Variants in SGTB observed in about 807,000 individuals in gnomAD.
SGTB encodes small glutamine rich tetratricopeptide repeat co-chaperone beta.
In SGTB, 19 loss-of-function variants were observed where a neutral mutation model predicts 43.9. The observed-to-expected ratio is 0.43, with a 90% CI of 0.30 to 0.63. The LOEUF (loss-of-function observed/expected upper bound fraction) is 0.63. SGTB is among the 30% of genes least tolerant of loss of function. The pLI, the probability that SGTB is intolerant of heterozygous loss-of-function variation, is 0.12. For synonymous variants in SGTB, 116 were observed against 117.3 expected, an observed-to-expected ratio of 0.99 and a Z score of 0.07; for missense variants, 304 against 358.9, an observed-to-expected ratio of 0.85 and a Z score of 1.24.
At chr5:65,671,196 G>A (rs961965639) in intron 10 of SGTB, among the ~76,000 whole-genome samples, 1 of 152,134 alleles carries the variant, frequency 6.6e-6, no homozygotes, top group African/African-American at 2.4e-5. Flanking sequence ...TTTGAAGTCT[G>A]CTGAAAAACT....
At chr5:65,680,592 T>C in intron 7 of SGTB, 36 bp from the exon 8 acceptor site, 1 of 1,613,940 alleles carries the variant, frequency 6.2e-7, no homozygotes, top group Non-Finnish European at 8.5e-7. Context: ...CAGTCCAGTA[T>C]CTACAATTAC....
At chr5:65,703,132 T>C (rs1208539946) in intron 5 of SGTB, among the ~76,000 whole-genome samples, 1 of 152,204 alleles carries the variant, frequency 6.6e-6, no homozygotes, top group Non-Finnish European at 1.5e-5. Flanking sequence ...AGATGTTCAT[T>C]GCAGCTTTAT....
At chr5:65,701,620 TTTAAA>T (rs1579875240) in intron 5 of SGTB, among the ~76,000 whole-genome samples, 3 of 148,850 alleles carry the variant, frequency 2.0e-5, no homozygotes, top group South Asian at 2.1e-4. Flanking sequence ...TATGTGGCTA[TTTAAA>T]TTAAATTTTT....
intron 4 of SGTB, 145 bp from the exon 5 acceptor site, chr5:65,704,523 T>G (rs1757892849): frequency 4.1e-6 from 2 of 493,266 alleles, no homozygotes; most frequent in Non-Finnish European, 6.9e-6. Flanking sequence ...AATTTTACAT[T>G]GTACTATAGA....
intron 4 of SGTB, among the ~76,000 whole-genome samples, chr5:65,707,305 T>C (rs1757951442): frequency 6.6e-6 from 1 of 151,808 alleles, no homozygotes; most frequent in South Asian, 2.1e-4. Context: ...TATAGGTATA[T>C]ATTTACAGAC....
intron 3 of SGTB, among the ~76,000 whole-genome samples, chr5:65,710,324 T>C (rs1368325643): frequency 2.6e-5 from 4 of 152,294 alleles, no homozygotes; most frequent in Non-Finnish European, 4.4e-5. Flanking sequence ...TATTAAAAAA[T>C]AGATTATAAT....
chr5:65,708,970 G>A (rs1000160309), intron 3 of SGTB, among the ~76,000 whole-genome samples: 2 of 152,008 alleles, frequency 1.3e-5, no homozygotes, highest in African/African-American at 4.8e-5. Context: ...GAGCCCAGGA[G>A]GCAGAGGTTG....
intron 3 of SGTB, among the ~76,000 whole-genome samples, chr5:65,711,355 G>C (rs1468782082): frequency 6.7e-6 from 1 of 149,234 alleles, no homozygotes; most frequent in Non-Finnish European, 1.5e-5. Flanking sequence ...AGTTTCCTGA[G>C]AAGGAAAAAA....
chr5:65,706,017 A>G (rs1195830364), intron 4 of SGTB, among the ~76,000 whole-genome samples: 1 of 152,084 alleles, frequency 6.6e-6, no homozygotes, highest in Non-Finnish European at 1.5e-5. Flanking sequence ...CCCTGGTCGA[A>G]AGAGTGAGAC....
intron 8 of SGTB, among the ~76,000 whole-genome samples, chr5:65,676,744 T>C (rs1206541329): frequency 6.6e-6 from 1 of 152,052 alleles, no homozygotes; most frequent in East Asian, 1.9e-4. Context: ...GCAGAACTTC[T>C]TGAATGAGAA....
intron 6 of SGTB, among the ~76,000 whole-genome samples, chr5:65,681,700 A>G (rs1210010152): frequency 6.6e-6 from 1 of 152,126 alleles, no homozygotes; most frequent in Non-Finnish European, 1.5e-5. Context: ...GGCTGGGCGC[A>G]GTGGCCCACG....
At chr5:65,684,451 A>G (rs1757458380) in intron 6 of SGTB, among the ~76,000 whole-genome samples, 1 of 152,246 alleles carries the variant, frequency 6.6e-6, no homozygotes. Flanking sequence ...GGAAGATCTA[A>G]TGTTGTAGAA....
At chr5:65,686,605 C>T (rs940534164) in intron 5 of SGTB, among the ~76,000 whole-genome samples, 8 of 151,986 alleles carry the variant, frequency 5.3e-5, no homozygotes, top group African/African-American at 9.7e-5. Context: ...GCTATCCTCC[C>T]GCCTCTGCCT....
intron 2 of SGTB, among the ~76,000 whole-genome samples, chr5:65,718,957 C>T (rs528712936): frequency 6.6e-6 from 1 of 152,134 alleles, no homozygotes; most frequent in African/African-American, 2.4e-5. Context: ...TATCTGTTTG[C>T]TACAGAGCAA....
At chr5:65,718,106 A>C (rs893306148) in intron 2 of SGTB, among the ~76,000 whole-genome samples, 1 of 152,104 alleles carries the variant, frequency 6.6e-6, no homozygotes, top group African/African-American at 2.4e-5. Flanking sequence ...CAGGAAGTGA[A>C]ATGTTTGGGA....
chr5:65,684,272 T>TG (rs1393535447), intron 6 of SGTB, among the ~76,000 whole-genome samples: 1 of 151,898 alleles, frequency 6.6e-6, no homozygotes, highest in Non-Finnish European at 1.5e-5. Flanking sequence ...TTTATAGAGA[T>TG]GGGGTCTTGC....
chr5:65,713,053 A>C lies in SGTB; in HGVS notation c.112T>G (p.Cys38Gly). ...EQESLEVAIQ[C>G]LETVFKISPE... ...CTGATCTTAAAAACTGTCTCCAAGC[A>C]CTGAATTGCAACTTGAAATAAATTT... The change falls in exon 3 of 11, where the codon TGC (cysteine) becomes GGC (glycine). Residue 38 changes from cysteine to glycine, a missense_variant. Coordinates refer to ENST00000381007, the MANE Select transcript of SGTB (RefSeq NM_019072.3). 6.2e-7 allele frequency: 1 copy of C among 1,609,834 alleles called. No homozygotes were observed. The highest frequency in any genetic ancestry group is 8.5e-7 in the Non-Finnish European group (1 of 1,178,644).
intron 8 of SGTB, among the ~76,000 whole-genome samples, chr5:65,679,836 T>C (rs1029197589): frequency 1.4e-4 from 21 of 152,172 alleles, no homozygotes; most frequent in African/African-American, 5.1e-4. Context: ...GGAATAGAAA[T>C]CTTTCTACTG....
intron 5 of SGTB, among the ~76,000 whole-genome samples, chr5:65,699,091 T>C (rs1162668089): frequency 1.3e-5 from 2 of 152,220 alleles, no homozygotes; most frequent in African/African-American, 2.4e-5. Context: ...CATGTGTTTA[T>C]TGCAGGACAA....
Sources: allele counts gnomAD v4.1 joint callset (sites outside exome capture counted in the v4.1 genomes callset), GRCh38; gene constraint gnomAD v4.1.1; transcripts MANE v1.5; gene names NCBI Gene and HGNC (gene_info 2026-07-23, HGNC 2026-07-21).